Variants in GABRA3 observed in about 807,000 individuals in gnomAD.
The protein encoded by GABRA3 is gamma-aminobutyric acid receptor subunit alpha-3.
In GABRA3, 10 loss-of-function variants were observed where a neutral mutation model predicts 30.1. That is an observed-to-expected ratio of 0.33 (90% CI 0.20 to 0.56). The LOEUF is 0.56. Ranked by LOEUF, GABRA3 falls within the 20% of genes least tolerant of loss-of-function variation. The probability of loss-of-function intolerance (pLI) is 0.89; values close to 1 mark genes in which losing one functional copy is unlikely to be tolerated. For missense variants in GABRA3, 233 were observed against 392.0 expected (o/e 0.59, Z 3.42); for synonymous variants, 151 against 146.8 (o/e 1.03, Z -0.21).
intron 3 of GABRA3, among the ~76,000 whole-genome samples, chrX:152,298,026 G>C (rs981836600): frequency 8.9e-6 from 1 of 112,270 alleles, no homozygotes; most frequent in Non-Finnish European, 1.9e-5. Context: ...GGAACAAGCT[G>C]AGAGCCAGAG....
At chrX:152,174,183 T>G (rs1937041566) in intron 9 of GABRA3, among the ~76,000 whole-genome samples, 1 of 111,082 alleles carries the variant, frequency 9.0e-6, no homozygotes, top group South Asian at 3.8e-4. Flanking sequence ...CTTAATCCAG[T>G]CTATCATTGT....
At chrX:152,370,601 A>T (rs1263425726) in intron 1 of GABRA3, among the ~76,000 whole-genome samples, 1 of 112,109 alleles carries the variant, frequency 8.9e-6, no homozygotes, top group African/African-American at 3.2e-5. Flanking sequence ...GAATTAAATA[A>T]TCTAATTCAT....
intron 9 of GABRA3, among the ~76,000 whole-genome samples, chrX:152,169,363 G>T (rs1203990033): frequency 8.9e-6 from 1 of 112,494 alleles, no homozygotes; most frequent in South Asian, 3.7e-4. Flanking sequence ...ACATAGCAAA[G>T]GCAGAGATAG....
At chrX:152,359,188 A>G (rs1423568387) in intron 2 of GABRA3, among the ~76,000 whole-genome samples, 1 of 111,190 alleles carries the variant, frequency 9.0e-6, no homozygotes, top group Admixed American at 9.6e-5. Flanking sequence ...ATTTGTTCCT[A>G]GACTTTTTCG....
intron 1 of GABRA3, among the ~76,000 whole-genome samples, chrX:152,425,191 C>T (rs1010344367): frequency 2.7e-5 from 3 of 109,257 alleles, no homozygotes; most frequent in African/African-American, 1.0e-4. Flanking sequence ...CTACCTCAGC[C>T]TGCCAAAGTG....
At chrX:152,410,027 C>A (rs762408728) in intron 1 of GABRA3, among the ~76,000 whole-genome samples, 1 of 111,973 alleles carries the variant, frequency 8.9e-6, no homozygotes, top group South Asian at 3.7e-4. Flanking sequence ...TATTATTTGT[C>A]ATAAAAAAGA....
At chrX:152,298,364 T>A (rs979315399) in intron 3 of GABRA3, among the ~76,000 whole-genome samples, 2 of 106,983 alleles carry the variant, frequency 1.9e-5, no homozygotes, top group Non-Finnish European at 3.8e-5. Flanking sequence ...CCTAATGCTA[T>A]CCCTCCCCCC....
At chrX:152,247,553 A>C (rs1332185855) in intron 5 of GABRA3, among the ~76,000 whole-genome samples, 2 of 111,865 alleles carry the variant, frequency 1.8e-5, no homozygotes, top group African/African-American at 6.5e-5. Flanking sequence ...TTGAAACTTC[A>C]GTTTACTAAG....
intron 1 of GABRA3, among the ~76,000 whole-genome samples, chrX:152,379,697 G>A (rs111629720): frequency 0.022 from 2,493 of 111,341 alleles, 33 homozygotes; most frequent in South Asian, 0.058. Flanking sequence ...TTTGACAAAG[G>A]AATTCCAAAA....
chrX:152,402,884 A>G (rs1929829352), intron 1 of GABRA3, among the ~76,000 whole-genome samples: 1 of 112,005 alleles, frequency 8.9e-6, no homozygotes. Context: ...TATGCACTGT[A>G]TTGTTGTCCA....
chrX:152,338,420 T>A (rs1940266062), intron 3 of GABRA3, among the ~76,000 whole-genome samples: 1 of 112,132 alleles, frequency 8.9e-6, no homozygotes, highest in Admixed American at 9.5e-5. Flanking sequence ...TCCTTATATA[T>A]TCTAGTTGTT....
At position 152,235,025 on chromosome X, in the gene GABRA3, G is replaced by A. The variant is rs1938170281; in HGVS notation, c.552-10180C>T. On this transcript the variant is annotated intron_variant, in intron 5 of 9. Transcript: ENST00000370314. ...GTGAAAAAATGACATTGGTATTTTGGTAGGAATTGCACTGAATCTCTAGAT... is the reference window on the plus strand; with the variant it reads ...GTGAAAAAATGACATTGGTATTTTGATAGGAATTGCACTGAATCTCTAGAT... 2.7e-5 allele frequency among the ~76,000 whole-genome samples: 3 copies of A among 111,496 alleles called. No individual in the cohort carries two copies. The Admixed American group carries it at 2.9e-4, about 11-fold the overall frequency.
At chrX:152,353,323 T>G (rs958473110) in intron 2 of GABRA3, among the ~76,000 whole-genome samples, 3 of 112,089 alleles carry the variant, frequency 2.7e-5, no homozygotes, top group African/African-American at 9.7e-5. Flanking sequence ...AATAAGCTAG[T>G]AGACATATGA....
chrX:152,323,939 G>C (rs1195579197), intron 3 of GABRA3, among the ~76,000 whole-genome samples: 1 of 111,962 alleles, frequency 8.9e-6, no homozygotes, highest in Non-Finnish European at 1.9e-5. Context: ...TTGTCTCATT[G>C]AGCTACTATT....
At chrX:152,281,358 G>T (rs960313448) in intron 4 of GABRA3, among the ~76,000 whole-genome samples, 2 of 111,123 alleles carry the variant, frequency 1.8e-5, no homozygotes, top group Admixed American at 1.9e-4. Flanking sequence ...AGTCTTCTTT[G>T]TTCTGTTTCT....
intron 3 of GABRA3, among the ~76,000 whole-genome samples, chrX:152,327,916 G>T (rs753129198): frequency 3.6e-5 from 4 of 111,171 alleles, no homozygotes; most frequent in African/African-American, 1.3e-4. Context: ...TCCAGGAGCA[G>T]GTTTTTTGAA....
rs1940391459 is a variant in GABRA3, at chrX:152,346,267, G to T, written c.141-565C>A. Reference sequence around the variant, plus strand: ...GACAGTCTTTTCAATAAACGGTGCTGGGAAAACTGGATATCCATATGCAGA... The same window carrying T: ...GACAGTCTTTTCAATAAACGGTGCTTGGAAAACTGGATATCCATATGCAGA... On this transcript the variant is annotated intron_variant, in intron 2 of 9. Transcript: ENST00000370314. Among the ~76,000 whole-genome samples, 3 of 111,443 alleles carry T rather than the reference G, an allele frequency of 2.7e-5. No homozygotes were observed. In the South Asian group the frequency reaches 1.1e-3, roughly 42 times the overall value.
chrX:152,186,616 TTCTC>T (rs941864695), intron 9 of GABRA3, among the ~76,000 whole-genome samples: 12 of 106,968 alleles, frequency 1.1e-4, no homozygotes, highest in African/African-American at 4.1e-4. Context: ...TCTCTCTCTC[TTCTC>T]TCTCTCTTCT....
chrX:152,342,081 C>T (rs1372249591), intron 3 of GABRA3, among the ~76,000 whole-genome samples: 1 of 111,535 alleles, frequency 9.0e-6, no homozygotes, highest in Admixed American at 9.5e-5. Context: ...TCATATTAGC[C>T]AGGCTGGTCT....
Sources: allele counts gnomAD v4.1 joint callset (sites outside exome capture counted in the v4.1 genomes callset), GRCh38; gene constraint gnomAD v4.1.1; transcripts MANE v1.5; gene names NCBI Gene and HGNC (gene_info 2026-07-23, HGNC 2026-07-21).